Variants in CACNB4 observed in about 807,000 individuals in gnomAD.
CACNB4 encodes calcium voltage-gated channel auxiliary subunit beta 4.
In CACNB4, 32 loss-of-function variants were observed where a neutral mutation model predicts 71.2. That is an observed-to-expected ratio of 0.45 (90% confidence interval 0.34 to 0.60). The LOEUF is 0.60. Ranked by LOEUF, CACNB4 falls within the 20% of genes least tolerant of loss-of-function variation. The pLI, the probability that CACNB4 is intolerant of heterozygous loss-of-function variation, is 0.01. For synonymous variants in CACNB4, 231 were observed against 236.9 expected, an observed-to-expected ratio of 0.97 and a Z score of 0.23; for missense variants, 464 against 647.9, an observed-to-expected ratio of 0.72 and a Z score of 3.08.
At chr2:151,870,958 G>A (rs1578552756) in intron 6 of CACNB4, 97 bp from the exon 7 acceptor site, 20 of 864,838 alleles carry the variant, frequency 2.3e-5, no homozygotes, top group Non-Finnish European at 3.5e-5. Flanking sequence ...ATTTGTCCCT[G>A]TAATTATCTT....
intron 2 of CACNB4, among the ~76,000 whole-genome samples, chr2:152,006,524 C>T (rs1037066455): frequency 6.6e-6 from 1 of 151,832 alleles, no homozygotes; most frequent in Admixed American, 6.6e-5. Flanking sequence ...CCTCAGCCTC[C>T]CAAGTAGCTG....
At chr2:152,064,545 T>G (rs1318715134) in intron 2 of CACNB4, among the ~76,000 whole-genome samples, 1 of 152,066 alleles carries the variant, frequency 6.6e-6, no homozygotes, top group Non-Finnish European at 1.5e-5. Context: ...CATGCCCAGC[T>G]AATTTTTGTA....
At chr2:151,878,936 G>T (rs962941274) in intron 4 of CACNB4, among the ~76,000 whole-genome samples, 1 of 151,996 alleles carries the variant, frequency 6.6e-6, no homozygotes, top group South Asian at 2.1e-4. Flanking sequence ...GAAAAGAAAA[G>T]AAAAAAATGT....
At chr2:151,933,850 C>T (rs888884081) in intron 2 of CACNB4, among the ~76,000 whole-genome samples, 3 of 151,666 alleles carry the variant, frequency 2.0e-5, no homozygotes, top group Admixed American at 1.3e-4. Flanking sequence ...GCAGCTATTC[C>T]TAAGACATAG....
chr2:152,027,899 GCT>G (rs1684067600), intron 2 of CACNB4, among the ~76,000 whole-genome samples: 1 of 149,592 alleles, frequency 6.7e-6, no homozygotes, highest in African/African-American at 2.5e-5. Context: ...TGCCCTTGAG[GCT>G]CTCAAGCCAT....
chr2:151,882,787 G>A (rs540369437), intron 3 of CACNB4, among the ~76,000 whole-genome samples: 38 of 152,310 alleles, frequency 2.5e-4, no homozygotes, highest in African/African-American at 8.4e-4. Context: ...TCTCAGAGTT[G>A]TTCAAAGTCC....
At chr2:152,037,122 C>T (rs1022071603) in intron 2 of CACNB4, among the ~76,000 whole-genome samples, 1 of 152,194 alleles carries the variant, frequency 6.6e-6, no homozygotes, top group Non-Finnish European at 1.5e-5. Flanking sequence ...TTCCCAAGCA[C>T]TTATGTAGGG....
At chr2:151,964,374 A>G (rs2099870497) in intron 2 of CACNB4, among the ~76,000 whole-genome samples, 1 of 152,132 alleles carries the variant, frequency 6.6e-6, no homozygotes, top group Non-Finnish European at 1.5e-5. Flanking sequence ...CTGTTTGTCA[A>G]TGCATAGAAA....
At chr2:152,067,390 G>T (rs7588958) in intron 2 of CACNB4, among the ~76,000 whole-genome samples, 125,859 of 148,184 alleles carry the variant, frequency 0.85, 54,487 homozygotes, top group Middle Eastern at 0.96. Context: ...TGTGTGTGTG[G>T]GGGGGGGGGT....
chr2:151,964,178 A>G (rs1327999070), intron 2 of CACNB4, among the ~76,000 whole-genome samples: 2 of 152,112 alleles, frequency 1.3e-5, no homozygotes, highest in African/African-American at 4.8e-5. Flanking sequence ...TCATGGCTAA[A>G]CCACGCTGCA....
At chr2:151,861,842 C>CAAAAAAAAAAAAAAAAAAAAAAAAAA (rs35080979) in intron 9 of CACNB4, 3 of 61,930 alleles carry the variant, frequency 4.8e-5, no homozygotes, top group East Asian at 5.0e-4. Context: ...GACCCTGTCT[C>CAAAAAAAAAAAAAAAAAAAAAAAAAA]AAAAAAAAAA....
rs372961757 is a variant in CACNB4 at position 151,882,174 on chromosome 2, G to A, written c.267+1077C>T. Among the ~76,000 whole-genome samples the A allele has an allele frequency of 1.4e-3, 197 of 136,678 alleles. 1 individual carries two copies. The highest frequency in any genetic ancestry group is 5.0e-3 in the African/African-American group (187 of 37,552). 89.7% of individuals were successfully genotyped at this position (136,678 alleles called of 152,430 possible). On this transcript the variant is annotated intron_variant, in intron 3 of 13. Coordinates refer to ENST00000539935, the MANE Select transcript of CACNB4 (RefSeq NM_000726.5). ...GATTACAGGCGTAAGCCACTGCACC[G>A]GCCCCTCTTTTTTTTTTTTTTTTTT...
At chr2:152,005,473 G>A (rs1245495938) in intron 2 of CACNB4, among the ~76,000 whole-genome samples, 1 of 152,034 alleles carries the variant, frequency 6.6e-6, no homozygotes, top group Non-Finnish European at 1.5e-5. Flanking sequence ...TAAAATTTGG[G>A]GTCACACAGA....
intron 2 of CACNB4, among the ~76,000 whole-genome samples, chr2:151,960,673 A>C (rs2099869440): frequency 6.6e-6 from 1 of 152,210 alleles, no homozygotes; most frequent in African/African-American, 2.4e-5. Context: ...CTGGTCCACC[A>C]GTCAAGGGTT....
At chr2:151,913,373 C>A (rs1003037715) in intron 2 of CACNB4, among the ~76,000 whole-genome samples, 2 of 152,150 alleles carry the variant, frequency 1.3e-5, no homozygotes, top group African/African-American at 2.4e-5. Context: ...GGTAACAAAA[C>A]CCCTCAGCAT....
chr2:152,061,488 T>G (rs1686011437), intron 2 of CACNB4, among the ~76,000 whole-genome samples: 1 of 152,132 alleles, frequency 6.6e-6, no homozygotes, highest in Admixed American at 6.5e-5. Context: ...AAAACAGCTT[T>G]AAGTAAGTAG....
intron 2 of CACNB4, chr2:151,973,642 G>C (rs781057530): frequency 1.2e-6 from 2 of 1,605,716 alleles, no homozygotes; most frequent in South Asian, 1.1e-5. Flanking sequence ...AGGGGAGAGG[G>C]AATTAGCTAT....
intron 2 of CACNB4, among the ~76,000 whole-genome samples, chr2:151,964,934 A>C (rs1385767171): frequency 2.7e-5 from 1 of 36,702 alleles, no homozygotes. Context: ...ATCATAATTA[A>C]ATTTTCTGTG....
At chr2:152,033,775 T>C (rs191881915) in intron 2 of CACNB4, among the ~76,000 whole-genome samples, 1 of 152,220 alleles carries the variant, frequency 6.6e-6, no homozygotes, top group Admixed American at 6.5e-5. Context: ...CAAAGTCACA[T>C]GAAATAAAGA....
Sources: allele counts gnomAD v4.1 joint callset (sites outside exome capture counted in the v4.1 genomes callset), GRCh38; gene constraint gnomAD v4.1.1; transcripts MANE v1.5; gene names NCBI Gene and HGNC (gene_info 2026-07-23, HGNC 2026-07-21).